PALMD: variants seen among roughly 807,000 people sequenced by gnomAD.
PALMD encodes the protein paralemmin-like protein.
In PALMD, 42 loss-of-function variants were observed where a neutral mutation model predicts 56.2. That is an observed-to-expected ratio of 0.75 (90% confidence interval 0.58 to 0.97). The LOEUF is 0.97. Among genes scored for constraint, PALMD ranks in the 50% least tolerant of loss-of-function variants. The probability of loss-of-function intolerance (pLI) is 0.00; values close to 1 mark genes in which losing one functional copy is unlikely to be tolerated. For synonymous variants in PALMD, 242 were observed against 222.9 expected (o/e 1.09, Z -0.76); for missense variants, 660 against 643.8 (o/e 1.03, Z -0.27).
chr1:99,667,218 CT>C (rs1390445487), intron 2 of PALMD, among the ~76,000 whole-genome samples: 1 of 152,132 alleles, frequency 6.6e-6, no homozygotes, highest in African/African-American at 2.4e-5. Flanking sequence ...CTTCAAGAAG[CT>C]TTTGACTTTG....
intron 1 of PALMD, among the ~76,000 whole-genome samples, chr1:99,646,776 G>A (rs557491920): frequency 6.6e-6 from 1 of 152,240 alleles, no homozygotes; most frequent in East Asian, 1.9e-4. Flanking sequence ...TTTTTTTAAA[G>A]AGAGAAAAAG....
intron 3 of PALMD, among the ~76,000 whole-genome samples, chr1:99,681,088 T>A (rs1408999395): frequency 1.5e-5 from 2 of 129,882 alleles, no homozygotes; most frequent in Non-Finnish European, 3.2e-5. Context: ...TATATATACA[T>A]ATATGTGTGT....
rs147817549 is a variant in PALMD at position 99,671,228 on chromosome 1, C to A, written c.251+3462C>A. Among the ~76,000 whole-genome samples the A allele has an allele frequency of 4.6e-3, 697 of 152,304 alleles. 4 individuals are homozygous for A. The highest frequency in any genetic ancestry group is 0.016 in the African/African-American group (649 of 41,566). On this transcript the variant is annotated intron_variant, in intron 3 of 7. Coordinates refer to ENST00000263174, the MANE Select transcript of PALMD (RefSeq NM_017734.5). Reference sequence around the variant, plus strand: ...CATCAAAGTAGAAATATTGCTATTACCGTGGAGTCCATAGCAGGGCCAGAC... The same window carrying A: ...CATCAAAGTAGAAATATTGCTATTAACGTGGAGTCCATAGCAGGGCCAGAC...
rs958381538 is a variant in PALMD at position 99,694,034 on chromosome 1, T to C, written c.1628T>C (p.Met543Thr). The C allele has an allele frequency of 2.5e-6, 4 of 1,603,666 alleles. No homozygotes were observed. Among genetic ancestry groups the C allele is most frequent in the Admixed American group, 1.7e-5 (1 of 59,520 alleles). Reference protein sequence around the residue: ...DPSLTALRMRMAKLGKKVI With the variant: ...DPSLTALRMRTAKLGKKVI ...TAATTTGCAGCTTTAAGGATGAGAA[T>C]GGCAAAGCTGGGAAAAAAGGTGATC... Residue 543 changes from methionine (M) to threonine (T), a missense_variant, in exon 8 of 8, where the codon ATG becomes ACG. Coordinates refer to ENST00000263174, the MANE Select transcript of PALMD (RefSeq NM_017734.5).
chr1:99,658,314 A>G (rs1045407329), intron 1 of PALMD, among the ~76,000 whole-genome samples: 4 of 151,728 alleles, frequency 2.6e-5, no homozygotes, highest in African/African-American at 4.8e-5. Context: ...AAAAAAAAAA[A>G]AAAAGAAAAA....
chr1:99,671,844 G>A (rs1192211127), intron 3 of PALMD, among the ~76,000 whole-genome samples: 1 of 152,120 alleles, frequency 6.6e-6, no homozygotes, highest in Non-Finnish European at 1.5e-5. Flanking sequence ...GACACTTACA[G>A]AGGCTAACTC....
chr1:99,673,673 C>T (rs1021972980), intron 3 of PALMD, among the ~76,000 whole-genome samples: 2 of 152,010 alleles, frequency 1.3e-5, no homozygotes, highest in South Asian at 2.1e-4. Context: ...TTTCAATTTC[C>T]CAGATAGTCT....
At chr1:99,651,788 G>A (rs1482049978) in intron 1 of PALMD, among the ~76,000 whole-genome samples, 4 of 152,192 alleles carry the variant, frequency 2.6e-5, no homozygotes, top group Non-Finnish European at 4.4e-5. Context: ...CCCAGGGACT[G>A]AGAGGATTCA....
chr1:99,675,313 T>C (rs1276626712), intron 3 of PALMD, among the ~76,000 whole-genome samples: 1 of 152,242 alleles, frequency 6.6e-6, no homozygotes, highest in African/African-American at 2.4e-5. Context: ...ATCTACATCA[T>C]TGAATACTTT....
intron 3 of PALMD, among the ~76,000 whole-genome samples, chr1:99,673,491 A>G (rs1159601267): frequency 6.6e-6 from 1 of 151,968 alleles, no homozygotes; most frequent in Non-Finnish European, 1.5e-5. Context: ...AAAAAAAAAG[A>G]GGCGAAAAAA....
chr1:99,685,449 G>T (rs1230129327), intron 3 of PALMD: 2 of 152,272 alleles, frequency 1.3e-5, no homozygotes, highest in East Asian at 1.9e-4. Flanking sequence ...GAAACCAGGG[G>T]CTACTCCATT....
intron 1 of PALMD, among the ~76,000 whole-genome samples, chr1:99,650,559 T>A (rs111623336): frequency 3.0e-4 from 45 of 152,230 alleles, no homozygotes; most frequent in African/African-American, 9.9e-4. Context: ...CTCATCTTGT[T>A]CCCTTTTTGT....
chr1:99,694,311 CT>C lies in PALMD; in HGVS notation c.*250del, dbSNP rs1653728713. ...TGGGGGAAAACCAGCATTTTTTATT[CT>C]ATTGATACCAAAGCATTTCTAATAA... On this transcript the variant is annotated 3_prime_UTR_variant, in exon 8 of 8. Coordinates refer to ENST00000263174, the MANE Select transcript of PALMD (RefSeq NM_017734.5). 2.9e-6 allele frequency: 1 copy of C among 346,926 alleles called. No individual in the cohort carries two copies. Among genetic ancestry groups the C allele is most frequent in the African/African-American group, 2.1e-5 (1 of 46,570 alleles). 21.5% of individuals were successfully genotyped at this position (346,926 alleles called of 1,614,324 possible). A position where few individuals can be genotyped will look rare whatever the true frequency, so the allele number is the denominator to read the frequency against.
Position 99,689,451 on chromosome 1 carries a change from T to C in PALMD, c.1191T>C (p.Tyr397=), listed in dbSNP as rs1653604693. 1.2e-6 allele frequency: 2 copies of C among 1,613,706 alleles called. No homozygotes were observed. Among genetic ancestry groups the C allele is most frequent in the Admixed American group, 1.7e-5 (1 of 59,922 alleles). Reference sequence around the variant, plus strand: ...AGGAGGACGAGGAAGATGTCAGATATAATATCGTTCATTCCCTGCCTCCAG... The same window carrying C: ...AGGAGGACGAGGAAGATGTCAGATACAATATCGTTCATTCCCTGCCTCCAG... ...TCQEDEEDVR[Y]NIVHSLPPDI... Residue 397 remains tyrosine, a synonymous_variant, in exon 7 of 8, where the codon TAT becomes TAC. Transcript: ENST00000263174.
In PALMD at chr1:99,694,534, A is replaced by G. The variant is rs1373031788; in HGVS notation, c.*472A>G. On this transcript the variant is annotated 3_prime_UTR_variant, in exon 8 of 8. Transcript: ENST00000263174. ...CTTAATAAAAGTACATCCTCCTGCTAACTATCACTTCAGTTGGTTTGGTAG... is the reference window on the plus strand; with the variant it reads ...CTTAATAAAAGTACATCCTCCTGCTGACTATCACTTCAGTTGGTTTGGTAG... 6.4e-6 allele frequency: 1 copy of G among 155,914 alleles called. No homozygotes were observed. The highest frequency in any genetic ancestry group is 1.4e-5 in the Non-Finnish European group (1 of 70,746). The allele number at this position is 155,914 out of a possible 1,614,324, so 9.7% of individuals were successfully genotyped here.
In PALMD at chr1:99,683,003, CTCCA is replaced by C. The variant is rs1290002081; in HGVS notation, c.252-3672_252-3669del. ...CCTGGGTGACAGAGCAAGACTCTGT[CTCCA>C]AAAAGAAAGAAGGAAAGAAAGAAAG... On this transcript the variant is annotated intron_variant, in intron 3 of 7. Transcript: ENST00000263174. Among the ~76,000 whole-genome samples, 934 of 131,156 alleles carry C rather than the reference CTCCA, an allele frequency of 7.1e-3. 59 individuals are homozygous for C. Among genetic ancestry groups the C allele is most frequent in the African/African-American group, 0.027 (838 of 31,030 alleles). 86.0% of individuals were successfully genotyped at this position (131,156 alleles called of 152,430 possible).
chr1:99,692,181 C>T (rs1653666266), intron 7 of PALMD, among the ~76,000 whole-genome samples: 1 of 152,154 alleles, frequency 6.6e-6, no homozygotes, highest in Admixed American at 6.6e-5. Flanking sequence ...TTTGGTAGTC[C>T]TCACCAACCT....
chr1:99,654,401 G>A (rs186667568), intron 1 of PALMD, among the ~76,000 whole-genome samples: 326 of 152,190 alleles, frequency 2.1e-3, no homozygotes, highest in African/African-American at 7.4e-3. Context: ...AGATTTAGAT[G>A]AAGAAATGTT....
At chr1:99,678,518 TC>T (rs1653267186) in intron 3 of PALMD, among the ~76,000 whole-genome samples, 1 of 152,050 alleles carries the variant, frequency 6.6e-6, no homozygotes, top group South Asian at 2.1e-4. Context: ...CTACTATTAT[TC>T]CCTAAATGAG....
Sources: gnomAD v4.1 joint callset for allele counts (sites outside exome capture counted in the v4.1 genomes callset) on GRCh38, gnomAD v4.1.1 for gene constraint, MANE v1.5 for transcripts, NCBI Gene and HGNC (gene_info 2026-07-23, HGNC 2026-07-21) for gene names.